The following DYM variants were observed in gnomAD, a reference collection of about 807,000 sequenced individuals.
The protein encoded by DYM is dyggve-Melchior-Clausen syndrome protein.
A neutral mutation model predicts 93.1 loss-of-function variants in DYM; 78 were observed. The observed-to-expected ratio is 0.84, with a 90% confidence interval of 0.70 to 1.01. The LOEUF (loss-of-function observed/expected upper bound fraction) is 1.01, where lower values mean the gene tolerates loss of function less well. Ranked by LOEUF, DYM falls within the 50% of genes least tolerant of loss-of-function variation. DYM has a pLI of 0.00. For missense variants in DYM, 789 were observed against 845.0 expected, an observed-to-expected ratio of 0.93 and a Z score of 0.82; for synonymous variants, 321 against 319.7, an observed-to-expected ratio of 1.00 and a Z score of -0.04.
chr18:49,317,588 TCTCTCTCTCCCCCCTCCC>T (rs2062049416), intron 8 of DYM, among the ~76,000 whole-genome samples: 1 of 12,668 alleles, frequency 7.9e-5, no homozygotes, highest in African/African-American at 5.2e-4. Context: ...TCTCTCTCTC[TCTCTCTCTCCCCCCTCCC>T]CCCTCCCTCC....
intron 14 of DYM, among the ~76,000 whole-genome samples, chr18:49,185,533 T>A (rs898616656): frequency 2.6e-5 from 4 of 152,206 alleles, no homozygotes; most frequent in African/African-American, 4.8e-5. Context: ...ACTGAAATAT[T>A]GCTAGAAATA....
At chr18:49,163,886 A>AAT (rs1421807051) in intron 14 of DYM, 99 bp from the exon 15 acceptor site, 1 of 762,836 alleles carries the variant, frequency 1.3e-6, no homozygotes, top group Non-Finnish European at 2.3e-6. Context: ...ATTATTCTAA[A>AAT]ATATACTTGT....
intron 13 of DYM, among the ~76,000 whole-genome samples, chr18:49,237,379 GATTAT>G (rs570516383): frequency 4.2e-4 from 64 of 152,216 alleles, no homozygotes; most frequent in South Asian, 3.5e-3. Flanking sequence ...TTTCAACATA[GATTAT>G]ATTATGGAAA....
At position 49,329,586 on chromosome 18, in the gene DYM, G is replaced by A. The variant is rs1334380951; in HGVS notation, c.763+2278C>T. ...AGAAGGCCTTGCCTGACTCATAGGA[G>A]GGTCCAAGCAAGTGGTTCACTACTC... On this transcript the variant is annotated intron_variant, in intron 8 of 17. Coordinates refer to ENST00000675505, the MANE Select transcript of DYM (RefSeq NM_001353214.3). 6 of 152,226 alleles carry A rather than the reference G, an allele frequency of 3.9e-5. No homozygotes were observed. The East Asian group carries it at 1.2e-3, about 29-fold the overall frequency. 9.4% of individuals were successfully genotyped at this position (152,226 alleles called of 1,614,324 possible). A position where few individuals can be genotyped will look rare whatever the true frequency, so the allele number is the denominator to read the frequency against.
intron 13 of DYM, among the ~76,000 whole-genome samples, chr18:49,238,314 T>G (rs1387261662): frequency 3.9e-5 from 6 of 152,198 alleles, no homozygotes; most frequent in Non-Finnish European, 2.9e-5. Flanking sequence ...CCCTTTTAAG[T>G]AACCTTTAAA....
At chr18:49,152,382 G>A (rs1289797386) in intron 15 of DYM, among the ~76,000 whole-genome samples, 2 of 152,076 alleles carry the variant, frequency 1.3e-5, no homozygotes, top group African/African-American at 4.8e-5. Context: ...AACATTTTTG[G>A]AACTCTCAGG....
intron 16 of DYM, among the ~76,000 whole-genome samples, chr18:49,109,792 C>T (rs989724971): frequency 1.3e-5 from 2 of 152,192 alleles, no homozygotes; most frequent in Admixed American, 1.3e-4. Flanking sequence ...ATCTTTTACT[C>T]CAGAAGGAGA....
rs1407979709 is a variant in DYM, at chr18:49,040,922, C to CCTTA, written c.*3129_*3132dup. On this transcript the variant is annotated 3_prime_UTR_variant, in exon 18 of 18. Transcript: ENST00000675505. ...TCACTAAATATTTCTCTTGGATGTA[C>CCTTA]CTTAGCAAGCTCTTAGGAAGTTGCT... Among the ~76,000 whole-genome samples, 1 of 152,212 alleles carries CCTTA rather than the reference C, an allele frequency of 6.6e-6. No homozygotes were observed. The highest frequency in any genetic ancestry group is 1.5e-5 in the Non-Finnish European group (1 of 68,044).
At chr18:49,136,073 C>A (rs1270726710) in intron 15 of DYM, among the ~76,000 whole-genome samples, 3 of 152,230 alleles carry the variant, frequency 2.0e-5, no homozygotes, top group African/African-American at 7.2e-5. Flanking sequence ...TCTGCTGGTA[C>A]AATTAGAGCA....
chr18:49,250,015 A>G (rs1473825935), intron 13 of DYM, among the ~76,000 whole-genome samples: 1 of 152,242 alleles, frequency 6.6e-6, no homozygotes, highest in Admixed American at 6.5e-5. Context: ...GGCACTGTCT[A>G]AAGCATCTTA....
intron 14 of DYM, among the ~76,000 whole-genome samples, chr18:49,181,883 G>T (rs913760244): frequency 1.3e-5 from 2 of 151,870 alleles, no homozygotes; most frequent in Non-Finnish European, 2.9e-5. Flanking sequence ...GTTTCTTAAG[G>T]TGAAAGCTGA....
intron 8 of DYM, among the ~76,000 whole-genome samples, chr18:49,306,981 T>C (rs1156494616): frequency 6.6e-6 from 1 of 151,870 alleles, no homozygotes. Flanking sequence ...CTCACCCCAC[T>C]CTCATCTGCT....
At chr18:49,433,640 G>A (rs1568437751) in intron 1 of DYM, among the ~76,000 whole-genome samples, 2 of 152,144 alleles carry the variant, frequency 1.3e-5, no homozygotes, top group Non-Finnish European at 1.5e-5. Context: ...GGCCGAGGCA[G>A]GTGGATCACT....
chr18:49,100,697 T>A (rs2080044063), intron 16 of DYM, among the ~76,000 whole-genome samples: 1 of 152,216 alleles, frequency 6.6e-6, no homozygotes, highest in African/African-American at 2.4e-5. Context: ...TCCTGAATGT[T>A]TATCATGGAC....
At chr18:49,074,069 C>A (rs557551318) in intron 17 of DYM, among the ~76,000 whole-genome samples, 1 of 152,320 alleles carries the variant, frequency 6.6e-6, no homozygotes, top group Non-Finnish European at 1.5e-5. Flanking sequence ...AAGATGACCA[C>A]TTTAACAGCT....
intron 2 of DYM, among the ~76,000 whole-genome samples, chr18:49,401,952 G>C (rs2070888387): frequency 6.6e-6 from 1 of 151,588 alleles, no homozygotes; most frequent in African/African-American, 2.4e-5. Context: ...CTTGAACCCG[G>C]AAGGTGGAGG....
chr18:49,092,212 A>G (rs894148920), intron 17 of DYM, among the ~76,000 whole-genome samples: 2 of 152,220 alleles, frequency 1.3e-5, no homozygotes, highest in East Asian at 1.9e-4. Context: ...AATACAGCAG[A>G]GAGAAATAGG....
chr18:49,097,378 T>C (rs1243289014), intron 17 of DYM, 24 bp downstream of exon 17: 6 of 1,606,554 alleles, frequency 3.7e-6, no homozygotes, highest in South Asian at 2.2e-5. Context: ...CAGTGTCAAG[T>C]GGACATTTCT....
chr18:49,046,195 CACAT>C (rs1187108890), intron 17 of DYM, among the ~76,000 whole-genome samples: 3 of 150,322 alleles, frequency 2.0e-5, no homozygotes, highest in Non-Finnish European at 3.0e-5. Context: ...CAGACACGCA[CACAT>C]AGACACACAC....
Sources: gnomAD v4.1 joint callset for allele counts (sites outside exome capture counted in the v4.1 genomes callset) on GRCh38, gnomAD v4.1.1 for gene constraint, MANE v1.5 for transcripts, NCBI Gene and HGNC (gene_info 2026-07-23, HGNC 2026-07-21) for gene names.